Variants in AUTS2 observed in about 807,000 individuals in gnomAD.
AUTS2 encodes the protein autism susceptibility gene 2 protein.
A neutral mutation model predicts 112.4 loss-of-function variants in AUTS2; 17 were observed. The observed-to-expected ratio is 0.15, with a 90% CI of 0.10 to 0.23. The LOEUF is 0.23. AUTS2 is among the 10% of genes least tolerant of loss of function. The pLI is 1.00. For synonymous variants in AUTS2, 751 were observed against 702.7 expected (o/e 1.07, Z -1.09); for missense variants, 1,510 against 1,701.6 (o/e 0.89, Z 1.98).
chr7:69,656,921 C>T (rs1459306968), intron 1 of AUTS2, among the ~76,000 whole-genome samples: 1 of 152,158 alleles, frequency 6.6e-6, no homozygotes, highest in African/African-American at 2.4e-5. Flanking sequence ...CACTGGTGTT[C>T]ACCTTCCTGG....
rs1795992034 is a variant in AUTS2 at position 69,665,514 on chromosome 7, G to C, written c.309+65552G>C. On this transcript the variant is annotated intron_variant, in intron 1 of 18. Transcript: ENST00000342771. ...TGAACCACAGAAGTATATTGGCCTT[G>C]CACTTACATAGTCAGGATCATACGG... 3.3e-5 allele frequency among the ~76,000 whole-genome samples: 5 copies of C among 152,154 alleles called. No individual in the cohort carries two copies. In the South Asian group the frequency reaches 1.0e-3, roughly 32 times the overall value.
At position 70,620,057 on chromosome 7, in the gene AUTS2, G is replaced by T. The variant is rs145390880; in HGVS notation, c.691-78512G>T. ...CTCTGTAGGGGTGCAGATTCCCACC[G>T]AGCCCATGGCCTTACCTGCACCTCT... On this transcript the variant is annotated intron_variant, in intron 5 of 18. Coordinates refer to ENST00000342771, the MANE Select transcript of AUTS2 (RefSeq NM_015570.4). 7.3e-3 allele frequency among the ~76,000 whole-genome samples: 1,108 copies of T among 152,134 alleles called. 14 individuals carry two copies. Among genetic ancestry groups the T allele is most frequent in the African/African-American group, 0.025 (1,050 of 41,480 alleles).
rs552059670 is a variant in AUTS2, at chr7:70,331,348, G to A, written c.661-104404G>A. Among the ~76,000 whole-genome samples, 7 of 152,202 alleles carry A rather than the reference G, an allele frequency of 4.6e-5. No homozygotes were observed. The South Asian group carries it at 1.2e-3, about 27-fold the overall frequency. On this transcript the variant is annotated intron_variant, in intron 4 of 18. Coordinates refer to ENST00000342771, the MANE Select transcript of AUTS2 (RefSeq NM_015570.4). ...GTTTATTTGCATAGAGGTATTTATA[G>A]CATTCTCTGATGGTAGTTTTTATTA...
At chr7:69,602,369 A>G (rs1203762169) in intron 1 of AUTS2, among the ~76,000 whole-genome samples, 1 of 152,100 alleles carries the variant, frequency 6.6e-6, no homozygotes, top group Non-Finnish European at 1.5e-5. Flanking sequence ...TCACCTTCAT[A>G]TCTAAATATC....
chr7:70,598,934 G>A (rs773653978), intron 5 of AUTS2, among the ~76,000 whole-genome samples: 6 of 152,170 alleles, frequency 3.9e-5, no homozygotes, highest in Non-Finnish European at 7.3e-5. Context: ...TTTATCAAAT[G>A]ATCCCACTTG....
chr7:69,628,625 G>C (rs990404125), intron 1 of AUTS2, among the ~76,000 whole-genome samples: 3 of 152,172 alleles, frequency 2.0e-5, no homozygotes, highest in Non-Finnish European at 4.4e-5. Flanking sequence ...CTTACATGGT[G>C]AAAGTTGAAG....
At chr7:70,785,183 G>A (rs576360033) in intron 16 of AUTS2, among the ~76,000 whole-genome samples, 164 bp downstream of exon 16, 26 of 152,326 alleles carry the variant, frequency 1.7e-4, no homozygotes, top group South Asian at 1.5e-3. Context: ...AGTACATCCC[G>A]TCCAGCTTCC....
At chr7:69,766,420 A>G (rs756125286) in intron 1 of AUTS2, among the ~76,000 whole-genome samples, 45 of 152,328 alleles carry the variant, frequency 3.0e-4, no homozygotes, top group Non-Finnish European at 4.7e-4. Flanking sequence ...GGGTGTGCAA[A>G]TATGTTCTTG....
intron 18 of AUTS2, 21 bp downstream of exon 18, chr7:70,787,452 C>G (rs765114378): frequency 3.2e-6 from 5 of 1,546,250 alleles, no homozygotes; most frequent in South Asian, 1.1e-5. Flanking sequence ...AAACCGCTCT[C>G]GAGTCCCCAC....
intron 4 of AUTS2, chr7:70,293,418 A>G (rs750004905): frequency 7.9e-5 from 12 of 152,150 alleles, no homozygotes; most frequent in Admixed American, 3.3e-4. Context: ...TGTCCACATC[A>G]TACTCATGCT....
chr7:70,616,921 A>G (rs1161655089), intron 5 of AUTS2, among the ~76,000 whole-genome samples: 1 of 152,158 alleles, frequency 6.6e-6, no homozygotes, highest in Non-Finnish European at 1.5e-5. Flanking sequence ...GAAACAGGGC[A>G]CTTCCTCCTT....
At chr7:70,418,165 A>G (rs1460859274) in intron 4 of AUTS2, among the ~76,000 whole-genome samples, 1 of 151,322 alleles carries the variant, frequency 6.6e-6, no homozygotes, top group Admixed American at 6.6e-5. Flanking sequence ...CTTGAACTCC[A>G]GGGCTTAAGG....
At chr7:70,667,041 A>G (rs185439060) in intron 5 of AUTS2, among the ~76,000 whole-genome samples, 3 of 152,144 alleles carry the variant, frequency 2.0e-5, no homozygotes, top group Non-Finnish European at 2.9e-5. Flanking sequence ...ACCTTGTACT[A>G]AATACATTTT....
intron 5 of AUTS2, among the ~76,000 whole-genome samples, chr7:70,574,856 C>G (rs771024236): frequency 8.5e-5 from 13 of 152,198 alleles, no homozygotes; most frequent in Non-Finnish European, 1.5e-4. Context: ...CACTAGCCCT[C>G]TGTAGGAGGA....
At chr7:70,782,625 A>G (rs1791165272) in intron 15 of AUTS2, 1 of 152,344 alleles carries the variant, frequency 6.6e-6, no homozygotes, top group South Asian at 2.1e-4. Flanking sequence ...ACACTTAAAA[A>G]TGATGGCACT....
intron 5 of AUTS2, among the ~76,000 whole-genome samples, chr7:70,661,635 G>A (rs1417697756): frequency 1.3e-5 from 2 of 152,158 alleles, no homozygotes; most frequent in Non-Finnish European, 2.9e-5. Flanking sequence ...TACATCGAAT[G>A]CTGGTGTAGA....
intron 6 of AUTS2, among the ~76,000 whole-genome samples, chr7:70,721,770 A>G (rs1452573846): frequency 6.6e-6 from 1 of 152,202 alleles, no homozygotes; most frequent in Admixed American, 6.5e-5. Context: ...GAACAGTATG[A>G]CAAACACCCA....
intron 2 of AUTS2, among the ~76,000 whole-genome samples, chr7:69,985,613 TC>T (rs1358201416): frequency 6.6e-6 from 1 of 152,162 alleles, no homozygotes; most frequent in Non-Finnish European, 1.5e-5. Context: ...TCCATCTAGG[TC>T]CTCAGGATTC....
chr7:70,770,479 T>C (rs1259208609), intron 10 of AUTS2, among the ~76,000 whole-genome samples: 1 of 152,250 alleles, frequency 6.6e-6, no homozygotes, highest in African/African-American at 2.4e-5. Flanking sequence ...TGGGGCATTA[T>C]TTAAAATATT....
Sources: gnomAD v4.1 joint callset for allele counts (sites outside exome capture counted in the v4.1 genomes callset) on GRCh38, gnomAD v4.1.1 for gene constraint, MANE v1.5 for transcripts, NCBI Gene and HGNC (gene_info 2026-07-23, HGNC 2026-07-21) for gene names.